LATS1: variants seen among roughly 807,000 people sequenced by gnomAD.
LATS1 encodes the protein large tumor suppressor kinase 1, also known as serine/threonine-protein kinase LATS1.
LATS1 carries 25 observed loss-of-function variants against 106.6 expected under a neutral mutation model. The ratio of observed to expected loss-of-function variants is 0.23; its 90% CI spans 0.17 to 0.33. The LOEUF is 0.33. Ranked by LOEUF, LATS1 falls within the 10% of genes least tolerant of loss-of-function variation. The pLI is 1.00. For synonymous variants in LATS1, 465 were observed against 455.6 expected (o/e 1.02, Z -0.26); for missense variants, 1,040 against 1,382.6 (o/e 0.75, Z 3.93).
Position 149,679,807 on chromosome 6 carries a change from A to T in LATS1, c.2593+68T>A, listed in dbSNP as rs1582867474. 30 of 1,166,288 alleles carry T rather than the reference A, an allele frequency of 2.6e-5. No homozygotes were observed. The East Asian group carries it at 7.4e-4, about 29-fold the overall frequency. The allele number at this position is 1,166,288 out of a possible 1,614,324, so 72.2% of individuals were successfully genotyped here. On this transcript the variant is annotated intron_variant, in intron 5 of 7. Coordinates refer to ENST00000543571, the MANE Select transcript of LATS1 (RefSeq NM_004690.4). Reference sequence around the variant, plus strand: ...TCTCATCCAGTGATGATACCATCTTATATTTTACTACATCAATAAATTACA... The same window carrying T: ...TCTCATCCAGTGATGATACCATCTTTTATTTTACTACATCAATAAATTACA...
At chr6:149,694,039 G>A (rs1782927231) in intron 3 of LATS1, among the ~76,000 whole-genome samples, 1 of 151,984 alleles carries the variant, frequency 6.6e-6, no homozygotes. Context: ...GCAGTGAGCT[G>A]AGAACATACC....
intron 2 of LATS1, among the ~76,000 whole-genome samples, chr6:149,695,967 C>T (rs57880524): frequency 0.069 from 10,507 of 151,380 alleles, 979 homozygotes; most frequent in African/African-American, 0.21. Flanking sequence ...TGCAATGGTG[C>T]GATCTTGGCT....
At chr6:149,682,479 T>C (rs1258563215) in intron 4 of LATS1, among the ~76,000 whole-genome samples, 1 of 151,124 alleles carries the variant, frequency 6.6e-6, no homozygotes, top group Non-Finnish European at 1.5e-5. Flanking sequence ...TGGCGCGATC[T>C]CGGCTCACTG....
intron 1 of LATS1, among the ~76,000 whole-genome samples, chr6:149,707,127 T>A (rs565178258): frequency 6.6e-6 from 1 of 150,440 alleles, no homozygotes; most frequent in African/African-American, 2.4e-5. Flanking sequence ...GCAATTTTCC[T>A]GCCTCAGCCT....
At chr6:149,672,349 T>C (rs1781486771) in intron 7 of LATS1, among the ~76,000 whole-genome samples, 1 of 151,470 alleles carries the variant, frequency 6.6e-6, no homozygotes, top group Non-Finnish European at 1.5e-5. Flanking sequence ...AGCTGGAGTT[T>C]ATAGGTGCCT....
chr6:149,684,796 G>A (rs180748552), intron 3 of LATS1, among the ~76,000 whole-genome samples: 3 of 152,104 alleles, frequency 2.0e-5, no homozygotes, highest in African/African-American at 7.2e-5. Flanking sequence ...GAAAATTGCC[G>A]AGAGTAAATT....
chr6:149,713,484 C>T (rs913230423), intron 1 of LATS1, among the ~76,000 whole-genome samples: 1 of 150,928 alleles, frequency 6.6e-6, no homozygotes, highest in South Asian at 2.1e-4. Flanking sequence ...TTAGTAGAGA[C>T]GGGGTTTCTC....
At chr6:149,702,353 T>G (rs1266664774) in intron 1 of LATS1, 87 bp from the exon 2 acceptor site, 1 of 413,510 alleles carries the variant, frequency 2.4e-6, no homozygotes, top group Non-Finnish European at 4.3e-6. Context: ...GATATAGGGG[T>G]TAAGAGATTC....
chr6:149,666,494 T>C (rs1313003533), intron 7 of LATS1, among the ~76,000 whole-genome samples: 2 of 151,810 alleles, frequency 1.3e-5, no homozygotes, highest in East Asian at 3.9e-4. Flanking sequence ...GGCGAGCAAC[T>C]GTAGTCCCAG....
chr6:149,708,703 A>C (rs755426154), intron 1 of LATS1, among the ~76,000 whole-genome samples: 3 of 151,730 alleles, frequency 2.0e-5, no homozygotes, highest in Non-Finnish European at 2.9e-5. Context: ...TGGTGGCTTG[A>C]CAATATGGAA....
At chr6:149,709,762 G>A (rs1163844562) in intron 1 of LATS1, among the ~76,000 whole-genome samples, 5 of 134,478 alleles carry the variant, frequency 3.7e-5, no homozygotes, top group Middle Eastern at 4.5e-3. Flanking sequence ...CACAATCTCC[G>A]CCTCCCGGTT....
At chr6:149,664,974 G>A (rs1333890692) in intron 7 of LATS1, among the ~76,000 whole-genome samples, 1 of 152,170 alleles carries the variant, frequency 6.6e-6, no homozygotes, top group Non-Finnish European at 1.5e-5. Context: ...GAGTAGAAAA[G>A]GAGTTTCCTG....
In LATS1 at chr6:149,711,204, G is replaced by A. The variant is rs1298617953; in HGVS notation, c.-141+6645C>T. On this transcript the variant is annotated intron_variant, in intron 1 of 7. Transcript: ENST00000543571. ...AGAACTGAAGGAAACCAAACAGATC[G>A]GAAGAGGCTTACTAACTTTAAAGAA... 2.6e-5 allele frequency among the ~76,000 whole-genome samples: 4 copies of A among 151,802 alleles called. No homozygotes were observed. The East Asian group carries it at 7.7e-4, about 29-fold the overall frequency.
intron 5 of LATS1, among the ~76,000 whole-genome samples, chr6:149,678,652 T>C (rs545500118): frequency 9.4e-4 from 143 of 152,318 alleles, no homozygotes; most frequent in African/African-American, 3.4e-3. Context: ...ACCTAGTACA[T>C]AGTATTTAAC....
At chr6:149,691,297 G>A (rs961163856) in intron 3 of LATS1, among the ~76,000 whole-genome samples, 8 of 152,122 alleles carry the variant, frequency 5.3e-5, no homozygotes, top group Non-Finnish European at 1.0e-4. Context: ...ACAGCAAGGC[G>A]GCCGCCATCT....
In LATS1 at chr6:149,683,520, T is replaced by C; in HGVS notation, c.1569A>G (p.Pro523=). Residue 523 remains proline (P), a synonymous_variant, in exon 4 of 8, where the codon CCA becomes CCG. Coordinates refer to ENST00000543571, the MANE Select transcript of LATS1 (RefSeq NM_004690.4). ...AAGGACTGGGTTGAACAGTTTGAAT[T>C]GGCTGTGGTATCCAAGAAGGGTGTG... ...APTHPSWIPQ[P]IQTVQPSPFP... is the part of the protein sequence containing the mutation. The C allele has an allele frequency of 6.2e-7, 1 of 1,614,238 alleles. No homozygotes were observed. The highest frequency in any genetic ancestry group is 8.5e-7 in the Non-Finnish European group (1 of 1,180,044).
chr6:149,695,430 T>C (rs930605052), intron 2 of LATS1, among the ~76,000 whole-genome samples: 7 of 152,128 alleles, frequency 4.6e-5, no homozygotes, highest in African/African-American at 1.2e-4. Context: ...TCAAGCCACT[T>C]TGGGAGGCCG....
At chr6:149,662,301 G>A (rs1562315022) in intron 7 of LATS1, 63 bp from the exon 8 acceptor site, 5 of 1,316,286 alleles carry the variant, frequency 3.8e-6, no homozygotes, top group South Asian at 1.4e-5. Flanking sequence ...TTTCCTTCAA[G>A]TTTTATACCA....
chr6:149,695,408 G>A (rs1187214893), intron 2 of LATS1, among the ~76,000 whole-genome samples, 187 bp from the exon 3 acceptor site: 1 of 152,130 alleles, frequency 6.6e-6, no homozygotes, highest in African/African-American at 2.4e-5. Context: ...AAAACAGGCA[G>A]GGCGCAGTGG....
Sources: gnomAD v4.1 joint callset for allele counts (sites outside exome capture counted in the v4.1 genomes callset) on GRCh38, gnomAD v4.1.1 for gene constraint, MANE v1.5 for transcripts, NCBI Gene and HGNC (gene_info 2026-07-23, HGNC 2026-07-21) for gene names.